The following ZSWIM5 variants were observed in gnomAD, a reference collection of about 807,000 sequenced individuals.
ZSWIM5 encodes the protein zinc finger SWIM domain-containing protein 5.
ZSWIM5 carries 55 observed loss-of-function variants against 119.6 expected under a neutral mutation model. The ratio of observed to expected loss-of-function variants is 0.46; its 90% CI spans 0.37 to 0.58. ZSWIM5 has a LOEUF of 0.58. Among genes scored for constraint, ZSWIM5 ranks in the 20% least tolerant of loss-of-function variants. ZSWIM5 has a pLI of 0.00. For synonymous variants in ZSWIM5, 537 were observed against 606.9 expected (o/e 0.88, Z 1.69); for missense variants, 1,193 against 1,512.8 (o/e 0.79, Z 3.51).
At chr1:45,037,885 G>C (rs1374654702) in intron 8 of ZSWIM5, among the ~76,000 whole-genome samples, 1 of 152,058 alleles carries the variant, frequency 6.6e-6, no homozygotes, top group Non-Finnish European at 1.5e-5. Flanking sequence ...TCAAAGTCTT[G>C]GTTTCTTTTC....
chr1:45,038,982 C>T lies in ZSWIM5; in HGVS notation c.1848G>A (p.Leu616=). 1 of 1,614,106 alleles carries T rather than the reference C, an allele frequency of 6.2e-7. No individual in the cohort carries two copies. Among genetic ancestry groups the T allele is most frequent in the Non-Finnish European group, 8.5e-7 (1 of 1,180,020 alleles). Residue 616 remains leucine, a synonymous_variant, in exon 8 of 14, where the codon TTG becomes TTA. Transcript: ENST00000359600. ...LDPIDCLFLT[L]TEACRLNDDG... ...CATCATTCAGGCGGCAGGCCTCAGT[C>T]AAAGTGAGAAACAGGCAGTCGATGG...
intron 1 of ZSWIM5, among the ~76,000 whole-genome samples, chr1:45,133,724 T>C (rs1392662066): frequency 2.0e-5 from 3 of 152,182 alleles, no homozygotes; most frequent in Admixed American, 6.5e-5. Context: ...GGTTTTCTTC[T>C]AGGGTTTTTA....
chr1:45,121,602 CTTTT>C (rs199811301), intron 1 of ZSWIM5, among the ~76,000 whole-genome samples: 6 of 136,458 alleles, frequency 4.4e-5, no homozygotes, highest in Admixed American at 7.3e-5. Flanking sequence ...TTTTCTTCTT[CTTTT>C]TTTTTTTTTT....
intron 1 of ZSWIM5, among the ~76,000 whole-genome samples, chr1:45,204,967 A>AGAAATCAT (rs1646178393): frequency 6.6e-6 from 1 of 152,296 alleles, no homozygotes; most frequent in African/African-American, 2.4e-5. Flanking sequence ...GAGTAAAGGA[A>AGAAATCAT]GAAATCATTT....
At chr1:45,146,400 A>G (rs1373403778) in intron 1 of ZSWIM5, among the ~76,000 whole-genome samples, 1 of 150,712 alleles carries the variant, frequency 6.6e-6, no homozygotes, top group Non-Finnish European at 1.5e-5. Flanking sequence ...GAAAAAAAAA[A>G]AAGTATAAAA....
intron 1 of ZSWIM5, among the ~76,000 whole-genome samples, chr1:45,175,687 T>G (rs1645975850): frequency 1.3e-5 from 2 of 151,622 alleles, no homozygotes; most frequent in African/African-American, 4.8e-5. Flanking sequence ...CCTGGGCTCA[T>G]GTGATCTTCC....
At chr1:45,181,999 G>A (rs1369064261) in intron 1 of ZSWIM5, among the ~76,000 whole-genome samples, 3 of 152,072 alleles carry the variant, frequency 2.0e-5, no homozygotes, top group East Asian at 1.9e-4. Flanking sequence ...AAAGACCATC[G>A]AGACTAGGAA....
chr1:45,153,751 C>T (rs2149038754), intron 1 of ZSWIM5, among the ~76,000 whole-genome samples: 1 of 151,830 alleles, frequency 6.6e-6, no homozygotes, highest in Middle Eastern at 3.4e-3. Flanking sequence ...CTAGAGCAAT[C>T]AGACGAGACA....
At chr1:45,093,846 GTTTT>G (rs11383878) in intron 1 of ZSWIM5, among the ~76,000 whole-genome samples, 1 of 137,540 alleles carries the variant, frequency 7.3e-6, no homozygotes, top group African/African-American at 2.7e-5. Flanking sequence ...GTAGAAGCTT[GTTTT>G]TTTTTTTTTT....
intron 11 of ZSWIM5, among the ~76,000 whole-genome samples, chr1:45,031,839 C>CAAAA (rs71040536): frequency 2.0e-5 from 2 of 98,916 alleles, no homozygotes; most frequent in Non-Finnish European, 3.7e-5. Context: ...GACTCCATCT[C>CAAAA]AAAAAAAAAA....
chr1:45,059,358 G>A (rs1029561100), intron 3 of ZSWIM5, among the ~76,000 whole-genome samples: 2 of 152,114 alleles, frequency 1.3e-5, no homozygotes, highest in Admixed American at 6.5e-5. Flanking sequence ...CTATGACACT[G>A]ATGAATCTTA....
intron 7 of ZSWIM5, 113 bp downstream of exon 7, chr1:45,040,279 C>T (rs1434124267): frequency 8.6e-7 from 1 of 1,156,790 alleles, no homozygotes; most frequent in Non-Finnish European, 1.2e-6. Context: ...TGAGGCATTC[C>T]ACACAGCAAG....
At chr1:45,029,982 G>T (rs1353893923) in intron 11 of ZSWIM5, among the ~76,000 whole-genome samples, 3 of 151,980 alleles carry the variant, frequency 2.0e-5, no homozygotes, top group African/African-American at 4.8e-5. Context: ...TAGAGATAGG[G>T]TCTCACTTTC....
At chr1:45,184,429 T>C (rs1451243324) in intron 1 of ZSWIM5, among the ~76,000 whole-genome samples, 3 of 152,062 alleles carry the variant, frequency 2.0e-5, no homozygotes, top group Admixed American at 2.0e-4. Flanking sequence ...AAATAAAGGG[T>C]ATTCAATTAG....
In ZSWIM5 at chr1:45,068,311, G is replaced by A. The variant is rs183226650; in HGVS notation, c.953-8064C>T. Among the ~76,000 whole-genome samples the A allele has an allele frequency of 7.9e-5, 12 of 151,788 alleles. No individual in the cohort carries two copies. The East Asian group carries it at 2.3e-3, about 29-fold the overall frequency. On this transcript the variant is annotated intron_variant, in intron 2 of 13. Coordinates refer to ENST00000359600, the MANE Select transcript of ZSWIM5 (RefSeq NM_020883.2). ...AGTAGAGATGGGATTTCACCATGCT[G>A]GCCAGGCTGGTCTTGAACTCCTGAC...
intron 1 of ZSWIM5, among the ~76,000 whole-genome samples, chr1:45,090,632 A>G (rs1645359311): frequency 6.6e-6 from 1 of 151,736 alleles, no homozygotes; most frequent in Non-Finnish European, 1.5e-5. Context: ...GTAAGGTAAA[A>G]TAAAATAAAA....
At chr1:45,159,091 A>G (rs1391121956) in intron 1 of ZSWIM5, among the ~76,000 whole-genome samples, 3 of 152,200 alleles carry the variant, frequency 2.0e-5, no homozygotes, top group African/African-American at 7.2e-5. Flanking sequence ...ATAGAGATTC[A>G]CATTTTAAAA....
At chr1:45,122,870 G>A (rs1402067733) in intron 1 of ZSWIM5, among the ~76,000 whole-genome samples, 1 of 152,136 alleles carries the variant, frequency 6.6e-6, no homozygotes, top group Admixed American at 6.6e-5. Flanking sequence ...TATCTGTCAG[G>A]CTATAACAAG....
At chr1:45,192,424 C>A (rs1460979229) in intron 1 of ZSWIM5, among the ~76,000 whole-genome samples, 2 of 152,196 alleles carry the variant, frequency 1.3e-5, no homozygotes, top group African/African-American at 4.8e-5. Context: ...TAATCTTTAA[C>A]ATTCATCCAT....
Sources: gnomAD v4.1 joint callset for allele counts (sites outside exome capture counted in the v4.1 genomes callset) on GRCh38, gnomAD v4.1.1 for gene constraint, MANE v1.5 for transcripts, NCBI Gene and HGNC (gene_info 2026-07-23, HGNC 2026-07-21) for gene names.